CDH13: variants seen among roughly 807,000 people sequenced by gnomAD.
CDH13 encodes cadherin-13.
CDH13 carries 24 observed loss-of-function variants against 63.8 expected under a neutral mutation model. The ratio of observed to expected loss-of-function variants is 0.38; its 90% CI spans 0.27 to 0.53. The LOEUF (loss-of-function observed/expected upper bound fraction) is 0.53, where lower values mean the gene tolerates loss of function less well. Among genes scored for constraint, CDH13 ranks in the 20% least tolerant of loss-of-function variants. CDH13 has a pLI of 0.85. For synonymous variants in CDH13, 503 were observed against 355.3 expected, an observed-to-expected ratio of 1.42 and a Z score of -4.67; for missense variants, 1,049 against 903.1, an observed-to-expected ratio of 1.16 and a Z score of -2.07.
intron 6 of CDH13, among the ~76,000 whole-genome samples, chr16:83,482,329 C>T (rs189305578): frequency 1.3e-3 from 202 of 152,304 alleles, no homozygotes; most frequent in African/African-American, 4.6e-3. Flanking sequence ...TGTGGCCCAT[C>T]ACAAAAAGAT....
chr16:83,626,650 C>T (rs1310269299), intron 8 of CDH13, among the ~76,000 whole-genome samples: 1 of 151,922 alleles, frequency 6.6e-6, no homozygotes, highest in African/African-American at 2.4e-5. Context: ...TCCTCTGCCC[C>T]CAAGGCTCTC....
At chr16:82,982,801 C>T (rs911247889) in intron 2 of CDH13, among the ~76,000 whole-genome samples, 1 of 152,102 alleles carries the variant, frequency 6.6e-6, no homozygotes, top group Non-Finnish European at 1.5e-5. Flanking sequence ...TACAAATGGC[C>T]CTAATATTCC....
intron 1 of CDH13, among the ~76,000 whole-genome samples, chr16:82,701,577 G>C (rs896750389): frequency 6.6e-6 from 1 of 152,110 alleles, no homozygotes; most frequent in African/African-American, 2.4e-5. Flanking sequence ...TCAGGAATAT[G>C]TCCTATTTGC....
At chr16:82,808,421 G>C (rs1469616735) in intron 1 of CDH13, among the ~76,000 whole-genome samples, 1 of 152,104 alleles carries the variant, frequency 6.6e-6, no homozygotes, top group African/African-American at 2.4e-5. Flanking sequence ...AATGCCTTAT[G>C]CTTTTCCACA....
intron 2 of CDH13, among the ~76,000 whole-genome samples, chr16:82,873,577 C>A (rs1292931753): frequency 6.6e-6 from 1 of 152,134 alleles, no homozygotes; most frequent in Non-Finnish European, 1.5e-5. Context: ...TTAAGCTACC[C>A]AAACTTCCAG....
intron 11 of CDH13, among the ~76,000 whole-genome samples, chr16:83,769,600 C>T (rs1347123132): frequency 1.3e-5 from 2 of 152,176 alleles, no homozygotes; most frequent in Non-Finnish European, 2.9e-5. Flanking sequence ...GTCTTATCTA[C>T]CAAACAGCTG....
chr16:82,934,082 G>A (rs1331171289), intron 2 of CDH13, among the ~76,000 whole-genome samples: 1 of 152,214 alleles, frequency 6.6e-6, no homozygotes, highest in African/African-American at 2.4e-5. Context: ...TGGGGACTAT[G>A]TGTGGTGGCT....
intron 1 of CDH13, among the ~76,000 whole-genome samples, chr16:82,781,277 C>A (rs1440493229): frequency 6.6e-6 from 1 of 152,174 alleles, no homozygotes; most frequent in Admixed American, 6.5e-5. Flanking sequence ...TTACAGCATT[C>A]TCTATATTCG....
chr16:82,943,635 A>G (rs977073258), intron 2 of CDH13, among the ~76,000 whole-genome samples: 13 of 152,200 alleles, frequency 8.5e-5, no homozygotes, highest in African/African-American at 2.7e-4. Flanking sequence ...GCCCCTATCA[A>G]GTCAATCAAA....
intron 8 of CDH13, among the ~76,000 whole-genome samples, chr16:83,661,954 C>G (rs1913481800): frequency 6.6e-6 from 1 of 152,190 alleles, no homozygotes; most frequent in Non-Finnish European, 1.5e-5. Context: ...GCTTCATTTT[C>G]TCTCTCAGTG....
intron 5 of CDH13, among the ~76,000 whole-genome samples, chr16:83,235,842 T>A (rs2040128489): frequency 6.6e-6 from 1 of 152,126 alleles, no homozygotes; most frequent in Non-Finnish European, 1.5e-5. Context: ...CAAAGACACT[T>A]TTTTCTTTTT....
chr16:83,248,669 C>A (rs1905201007), intron 5 of CDH13, among the ~76,000 whole-genome samples: 1 of 152,162 alleles, frequency 6.6e-6, no homozygotes, highest in Non-Finnish European at 1.5e-5. Flanking sequence ...ATGTACTTCT[C>A]TTTCATGAAC....
At chr16:83,518,565 C>T (rs7184714) in intron 7 of CDH13, among the ~76,000 whole-genome samples, 50,800 of 151,056 alleles carry the variant, frequency 0.34, 8,932 homozygotes, top group East Asian at 0.45. Context: ...CTCCGCCTCC[C>T]GGGTTCACGG....
At chr16:83,128,021 C>T (rs762754490) in intron 4 of CDH13, among the ~76,000 whole-genome samples, 20 of 152,130 alleles carry the variant, frequency 1.3e-4, no homozygotes, top group African/African-American at 2.2e-4. Context: ...CCCACTTCTT[C>T]AAAACTCTTC....
chr16:82,906,949 C>T (rs1175639705), intron 2 of CDH13, among the ~76,000 whole-genome samples: 11 of 152,174 alleles, frequency 7.2e-5, no homozygotes, highest in Admixed American at 4.6e-4. Context: ...ATGACCGTAA[C>T]TTTGTCACAT....
rs545752713 is a variant in CDH13 at position 83,570,680 on chromosome 16, TAA to T, written c.961-31766_961-31765del. Among the ~76,000 whole-genome samples the T allele has an allele frequency of 2.6e-3, 372 of 144,840 alleles. 2 individuals are homozygous for T. Among genetic ancestry groups the T allele is most frequent in the African/African-American group, 8.8e-3 (347 of 39,324 alleles). On this transcript the variant is annotated intron_variant, in intron 7 of 13. Coordinates refer to ENST00000567109, the MANE Select transcript of CDH13 (RefSeq NM_001257.5). ...ATTCTTTCTCATCCTTTTATATATATAAAAAAAAATTTAAATTTATTATTTAT... is the reference window on the plus strand; with the variant it reads ...ATTCTTTCTCATCCTTTTATATATATAAAAAAATTTAAATTTATTATTTAT...
chr16:83,447,399 G>A (rs1186576637), intron 6 of CDH13, among the ~76,000 whole-genome samples: 1 of 151,860 alleles, frequency 6.6e-6, no homozygotes, highest in Non-Finnish European at 1.5e-5. Flanking sequence ...TGGGCTACAA[G>A]AGCTAGACTC....
chr16:83,442,806 A>G (rs569767292), intron 6 of CDH13, among the ~76,000 whole-genome samples: 9 of 152,394 alleles, frequency 5.9e-5, no homozygotes, highest in Non-Finnish European at 1.2e-4. Flanking sequence ...ATGAACATCC[A>G]GTGATGTGCA....
At chr16:82,865,151 G>T (rs1266705994) in intron 2 of CDH13, among the ~76,000 whole-genome samples, 1 of 152,214 alleles carries the variant, frequency 6.6e-6, no homozygotes, top group African/African-American at 2.4e-5. Context: ...ACTCCCAGCT[G>T]CTTTCACAGG....
Sources: gnomAD v4.1 joint callset for allele counts (sites outside exome capture counted in the v4.1 genomes callset) on GRCh38, gnomAD v4.1.1 for gene constraint, MANE v1.5 for transcripts, NCBI Gene and HGNC (gene_info 2026-07-23, HGNC 2026-07-21) for gene names.